Variants in RIMS2 observed in about 807,000 individuals in gnomAD.
The protein encoded by RIMS2 is regulating synaptic membrane exocytosis protein 2.
Under a neutral mutation model 174.4 loss-of-function variants are expected in RIMS2, and 59 were observed. The observed-to-expected ratio is 0.34, with a 90% CI of 0.27 to 0.42. The LOEUF (loss-of-function observed/expected upper bound fraction) is 0.42. Ranked by LOEUF, RIMS2 falls within the 10% of genes least tolerant of loss-of-function variation. The probability of loss-of-function intolerance (pLI) is 1.00; values close to 1 mark genes in which losing one functional copy is unlikely to be tolerated. For synonymous variants in RIMS2, 606 were observed against 572.5 expected, an observed-to-expected ratio of 1.06 and a Z score of -0.84; for missense variants, 1,620 against 1,666.3, an observed-to-expected ratio of 0.97 and a Z score of 0.48.
chr8:103,538,788 T>C (rs1389957826), intron 1 of RIMS2, among the ~76,000 whole-genome samples: 1 of 152,192 alleles, frequency 6.6e-6, no homozygotes, highest in Admixed American at 6.5e-5. Flanking sequence ...ATTACAGGCA[T>C]GAGCCACCAC....
intron 19 of RIMS2, among the ~76,000 whole-genome samples, chr8:104,172,370 AC>A (rs1432977279): frequency 6.6e-6 from 1 of 152,186 alleles, no homozygotes; most frequent in African/African-American, 2.4e-5. Flanking sequence ...CTGTAAAGAA[AC>A]AAAAAAAAAG....
chr8:103,550,176 C>G (rs942295063), intron 1 of RIMS2, among the ~76,000 whole-genome samples: 2 of 152,220 alleles, frequency 1.3e-5, no homozygotes, highest in Non-Finnish European at 2.9e-5. Flanking sequence ...CCATATCGCA[C>G]TTACTCCAAA....
intron 2 of RIMS2, among the ~76,000 whole-genome samples, chr8:103,746,029 A>G (rs928672145): frequency 6.6e-6 from 1 of 152,174 alleles, no homozygotes; most frequent in African/African-American, 2.4e-5. Flanking sequence ...TGCCTAAACC[A>G]AGGTCATGAA....
chr8:104,223,768 G>T (rs1251066740), intron 19 of RIMS2: 1 of 1,596,182 alleles, frequency 6.3e-7, no homozygotes, highest in African/African-American at 1.3e-5. Flanking sequence ...TTCCCTGCAT[G>T]AACTCCCTGG....
chr8:104,060,046 CTCTGCCCGGCTTTGGT>C (rs2096951668), intron 19 of RIMS2, among the ~76,000 whole-genome samples: 1 of 151,758 alleles, frequency 6.6e-6, no homozygotes, highest in African/African-American at 2.4e-5. Flanking sequence ...TTGGTTGTGT[CTCTGCCCGGCTTTGGT>C]ATCAGGATGA....
chr8:103,542,701 G>T (rs1587237444), intron 1 of RIMS2, among the ~76,000 whole-genome samples: 2 of 152,180 alleles, frequency 1.3e-5, no homozygotes, highest in African/African-American at 4.8e-5. Context: ...ATCCTAGGAT[G>T]CAAGGATAGT....
chr8:103,598,734 G>A (rs776639409), intron 1 of RIMS2, among the ~76,000 whole-genome samples: 12 of 152,070 alleles, frequency 7.9e-5, no homozygotes, highest in Non-Finnish European at 8.8e-5. Context: ...CAAACCAAGA[G>A]CATCTCTTCC....
intron 1 of RIMS2, among the ~76,000 whole-genome samples, chr8:103,549,692 C>A (rs1311667796): frequency 6.6e-6 from 1 of 152,290 alleles, no homozygotes; most frequent in Non-Finnish European, 1.5e-5. Flanking sequence ...GATGAAGAGT[C>A]AAGACCCATC....
chr8:103,639,186 C>A (rs542110964), intron 1 of RIMS2, among the ~76,000 whole-genome samples: 1 of 151,846 alleles, frequency 6.6e-6, no homozygotes, highest in Non-Finnish European at 1.5e-5. Context: ...GTTAAAATAT[C>A]CTTTCCTAAT....
At chr8:103,882,583 T>A (rs2099172993) in intron 3 of RIMS2, among the ~76,000 whole-genome samples, 1 of 151,582 alleles carries the variant, frequency 6.6e-6, no homozygotes, top group Non-Finnish European at 1.5e-5. Context: ...CTGTTCCATT[T>A]TTATAGTGGT....
chr8:103,737,941 G>A (rs7815399), intron 2 of RIMS2, among the ~76,000 whole-genome samples: 57,783 of 151,926 alleles, frequency 0.38, 11,362 homozygotes, highest in African/African-American at 0.42. Context: ...GCACTTATAT[G>A]ATTATTTTGT....
intron 4 of RIMS2, among the ~76,000 whole-genome samples, chr8:103,900,199 CT>C (rs971670399): frequency 6.6e-6 from 1 of 151,488 alleles, no homozygotes; most frequent in Non-Finnish European, 1.5e-5. Context: ...AATAAAATCC[CT>C]TACAGACAAG....
intron 1 of RIMS2, among the ~76,000 whole-genome samples, chr8:103,602,523 GT>G (rs1426281464): frequency 2.0e-5 from 3 of 151,846 alleles, no homozygotes; most frequent in Admixed American, 6.6e-5. Context: ...TATTCTCATT[GT>G]TTAGCTCCCA....
intron 19 of RIMS2, among the ~76,000 whole-genome samples, chr8:104,055,828 A>G (rs1214562733): frequency 6.6e-6 from 1 of 152,160 alleles, no homozygotes; most frequent in Non-Finnish European, 1.5e-5. Flanking sequence ...GAATTTCTCA[A>G]TATAGTCAGT....
At chr8:104,101,254 G>A (rs1006423138) in intron 19 of RIMS2, among the ~76,000 whole-genome samples, 1 of 151,566 alleles carries the variant, frequency 6.6e-6, no homozygotes, top group African/African-American at 2.4e-5. Context: ...AGCCTCCCAA[G>A]TAGCTGAGAT....
chr8:103,753,772 A>G (rs1332496133), intron 2 of RIMS2, among the ~76,000 whole-genome samples: 1 of 152,052 alleles, frequency 6.6e-6, no homozygotes, highest in Non-Finnish European at 1.5e-5. Context: ...ATTGGTGGTG[A>G]TATCCCCTTT....
intron 19 of RIMS2, among the ~76,000 whole-genome samples, chr8:104,079,597 TGATATATATATA>T (rs2097367584): frequency 3.9e-5 from 2 of 51,716 alleles, no homozygotes; most frequent in African/African-American, 1.4e-4. Context: ...GGATTAAGCA[TGATATATATATA>T]TATATATATA....
chr8:103,938,065 T>A (rs1245787669), intron 13 of RIMS2, among the ~76,000 whole-genome samples: 3 of 152,102 alleles, frequency 2.0e-5, no homozygotes, highest in Admixed American at 6.6e-5. Context: ...CAGTCTCATA[T>A]TTTCTTTAAA....
chr8:103,975,653 T>C (rs974880393), intron 16 of RIMS2, 147 bp downstream of exon 18: 3 of 550,326 alleles, frequency 5.5e-6, no homozygotes, highest in South Asian at 3.0e-5. Context: ...AGTCCCACCA[T>C]AGAATTTCTG....
Sources: gnomAD v4.1 joint callset for allele counts (sites outside exome capture counted in the v4.1 genomes callset) on GRCh38, gnomAD v4.1.1 for gene constraint, MANE v1.5 for transcripts, NCBI Gene and HGNC (gene_info 2026-07-23, HGNC 2026-07-21) for gene names.